Variants in MCMBP observed in about 807,000 individuals in gnomAD.
MCMBP encodes the protein minichromosome maintenance complex binding protein, also known as mini-chromosome maintenance complex-binding protein.
MCMBP carries 31 observed loss-of-function variants against 81.3 expected under a neutral mutation model. That is an observed-to-expected ratio of 0.38 (90% CI 0.29 to 0.51). The LOEUF is 0.51. Among genes scored for constraint, MCMBP ranks in the 20% least tolerant of loss-of-function variants. The probability of loss-of-function intolerance (pLI) is 0.87; values close to 1 mark genes in which losing one functional copy is unlikely to be tolerated. For synonymous variants in MCMBP, 267 were observed against 275.9 expected, an observed-to-expected ratio of 0.97 and a Z score of 0.32; for missense variants, 645 against 772.1, an observed-to-expected ratio of 0.84 and a Z score of 1.95.
rs781030712 is a variant in MCMBP, at chr10:119,857,396, A to G, written c.371T>C (p.Leu124Ser). 26 of 1,612,050 alleles carry G rather than the reference A, an allele frequency of 1.6e-5. No homozygotes were observed. The highest frequency in any genetic ancestry group is 2.7e-5 in the African/African-American group (2 of 75,042). The change falls in exon 5 of 16, where the codon TTG becomes TCG. Residue 124 changes from leucine to serine, a missense_variant. Physicochemically the swap from Leu to Ser is moderately radical, Grantham distance 145. Coordinates refer to ENST00000369077, the MANE Select transcript of MCMBP (RefSeq NM_001256378.2). ...AACACAATAGAAAGTCTGTCTTTCC[A>G]AAGTGGTATTTCGTGGAGAGTTTAA... is the stretch of plus-strand genomic sequence containing the variant. ...LDLNSPRNTT[L>S]ERQTFYCVPV...
chr10:119,853,473 A>C, intron 5 of MCMBP, among the ~76,000 whole-genome samples: 1 of 152,202 alleles, frequency 6.6e-6, no homozygotes, highest in Non-Finnish European at 1.5e-5. Flanking sequence ...TGATCCTTGA[A>C]TGAGGAGAAA....
intron 5 of MCMBP, among the ~76,000 whole-genome samples, chr10:119,854,952 CAAAA>C (rs748009891): frequency 4.9e-5 from 7 of 144,214 alleles, no homozygotes; most frequent in Non-Finnish European, 1.1e-4. Context: ...GACTCTGCCT[CAAAA>C]AAAAAAAAAA....
intron 8 of MCMBP, among the ~76,000 whole-genome samples, chr10:119,846,527 T>C (rs117287665): frequency 0.011 from 1,698 of 152,302 alleles, 12 homozygotes; most frequent in Non-Finnish European, 0.014. Flanking sequence ...TCCAAGTTAC[T>C]TGTCAATTAC....
intron 8 of MCMBP, among the ~76,000 whole-genome samples, chr10:119,845,541 A>G (rs1231094924): frequency 2.0e-5 from 3 of 152,206 alleles, no homozygotes; most frequent in Admixed American, 1.3e-4. Flanking sequence ...GATAAACCAG[A>G]AACTGTGGTT....
At chr10:119,850,874 GT>G (rs1284100421) in intron 6 of MCMBP, among the ~76,000 whole-genome samples, 445 of 130,530 alleles carry the variant, frequency 3.4e-3, no homozygotes, top group African/African-American at 9.5e-3. Context: ...TACAAGATCT[GT>G]TTTTTTTTTT....
chr10:119,859,273 G>C, intron 2 of MCMBP, 92 bp from the exon 3 acceptor site: 1 of 966,288 alleles, frequency 1.0e-6, no homozygotes, highest in South Asian at 1.6e-5. Flanking sequence ...GACTCAAACT[G>C]TTACACACAC....
intron 6 of MCMBP, among the ~76,000 whole-genome samples, chr10:119,852,151 T>TC (rs1223296212): frequency 1.3e-4 from 6 of 45,074 alleles, no homozygotes; most frequent in African/African-American, 6.3e-4. Context: ...AAACTCTGTC[T>TC]CAAAAAAAAA....
chr10:119,852,315 G>A (rs549842577), intron 6 of MCMBP, among the ~76,000 whole-genome samples: 1 of 151,934 alleles, frequency 6.6e-6, no homozygotes, highest in Non-Finnish European at 1.5e-5. Flanking sequence ...TTACAAACTC[G>A]AATATATTAC....
intron 12 of MCMBP, among the ~76,000 whole-genome samples, chr10:119,837,645 G>A (rs924705083): frequency 1.3e-5 from 2 of 152,094 alleles, no homozygotes; most frequent in African/African-American, 4.8e-5. Flanking sequence ...TTAGCCAGGC[G>A]TGATGGCGGG....
At position 119,830,719 on chromosome 10, in the gene MCMBP, T is replaced by G. The variant is rs1851995474; in HGVS notation, c.*755A>C. ...ATTCCGTTTAAAGGACTCCTCTTAT[T>G]CAGAGATAGATTGTCCTTTCCTTTT... On this transcript the variant is annotated 3_prime_UTR_variant, in exon 16 of 16. Coordinates refer to ENST00000369077, the MANE Select transcript of MCMBP (RefSeq NM_001256378.2). 6.6e-6 allele frequency: 1 copy of G among 151,784 alleles called. No homozygotes were observed. Among genetic ancestry groups the G allele is most frequent in the Non-Finnish European group, 1.5e-5 (1 of 67,808 alleles). 9.4% of individuals were successfully genotyped at this position (151,784 alleles called of 1,614,324 possible).
chr10:119,858,328 G>A (rs1853124246), intron 4 of MCMBP: 1 of 152,102 alleles, frequency 6.6e-6, no homozygotes, highest in Non-Finnish European at 1.5e-5. Context: ...CTTAGGCCTA[G>A]AAAGAAAGGC....
intron 11 of MCMBP, among the ~76,000 whole-genome samples, chr10:119,839,455 G>GAGGAAA: frequency 6.6e-6 from 1 of 152,172 alleles, no homozygotes; most frequent in Non-Finnish European, 1.5e-5. Context: ...GAGGAGTTTT[G>GAGGAAA]TGTATTACCT....
chr10:119,873,072 A>G (rs1853771238), upstream of MCMBP, among the ~76,000 whole-genome samples: 1 of 151,674 alleles, frequency 6.6e-6, no homozygotes, highest in African/African-American at 2.4e-5. Flanking sequence ...TGTCGTTTGT[A>G]CCCCTGGGCC....
chr10:119,859,721 TG>T, intron 2 of MCMBP, 77 bp downstream of exon 2: 1 of 833,774 alleles, frequency 1.2e-6, no homozygotes, highest in South Asian at 1.9e-5. Flanking sequence ...AAATTACATG[TG>T]GGTTACTTAG....
intron 14 of MCMBP, among the ~76,000 whole-genome samples, chr10:119,832,590 C>CA (rs1852087399): frequency 6.6e-6 from 1 of 152,118 alleles, no homozygotes; most frequent in Non-Finnish European, 1.5e-5. Context: ...TTAGTAGCTT[C>CA]AAAAATCAAC....
intron 1 of MCMBP, among the ~76,000 whole-genome samples, chr10:119,870,854 C>T (rs1265887437): frequency 6.6e-6 from 1 of 152,160 alleles, no homozygotes; most frequent in African/African-American, 2.4e-5. Context: ...TGGGGAGAAA[C>T]ACATCAAGAA....
chr10:119,868,228 C>A (rs991295686), intron 1 of MCMBP, among the ~76,000 whole-genome samples: 1 of 152,164 alleles, frequency 6.6e-6, no homozygotes, highest in Non-Finnish European at 1.5e-5. Context: ...GAGTTCAAGA[C>A]CAGCCTGGCC....
chr10:119,837,224 G>A (rs961150047), intron 12 of MCMBP, among the ~76,000 whole-genome samples, 195 bp from the exon 13 acceptor site: 1 of 151,880 alleles, frequency 6.6e-6, no homozygotes, highest in Admixed American at 6.6e-5. Context: ...AACTTTCTGG[G>A]GGCAGGCGAT....
intron 14 of MCMBP, among the ~76,000 whole-genome samples, chr10:119,834,358 C>A (rs1243628987): frequency 6.6e-6 from 1 of 152,104 alleles, no homozygotes; most frequent in African/African-American, 2.4e-5. Flanking sequence ...TCAGTGTGTA[C>A]AAAGGATCCT....
Sources: allele counts gnomAD v4.1 joint callset (sites outside exome capture counted in the v4.1 genomes callset), GRCh38; gene constraint gnomAD v4.1.1; transcripts MANE v1.5; gene names NCBI Gene and HGNC (gene_info 2026-07-23, HGNC 2026-07-21).